APBA2: variants seen among roughly 807,000 people sequenced by gnomAD.
The protein encoded by APBA2 is amyloid-beta A4 precursor protein-binding family A member 2.
APBA2 carries 30 observed loss-of-function variants against 75.0 expected under a neutral mutation model. The observed-to-expected ratio is 0.40, with a 90% confidence interval of 0.30 to 0.54. APBA2 has a LOEUF of 0.54. Among genes scored for constraint, APBA2 ranks in the 20% least tolerant of loss-of-function variants. The pLI is 0.49. For missense variants in APBA2, 801 were observed against 1,016.1 expected (o/e 0.79, Z 2.88); for synonymous variants, 444 against 409.6 (o/e 1.08, Z -1.01).
intron 4 of APBA2, among the ~76,000 whole-genome samples, chr15:29,061,181 T>C (rs1264285470): frequency 6.6e-6 from 1 of 152,176 alleles, no homozygotes; most frequent in East Asian, 1.9e-4. Flanking sequence ...CTGTGGAACA[T>C]AAAGGGTTTG....
chr15:29,095,555 G>A (rs991884421), intron 8 of APBA2, among the ~76,000 whole-genome samples: 1 of 152,248 alleles, frequency 6.6e-6, no homozygotes, highest in African/African-American at 2.4e-5. Context: ...CACAAGGCCT[G>A]GGGCAAACCC....
intron 3 of APBA2, among the ~76,000 whole-genome samples, chr15:29,008,105 T>C (rs912946710): frequency 8.5e-5 from 13 of 152,142 alleles, no homozygotes; most frequent in Admixed American, 5.9e-4. Context: ...AACCTTGAGG[T>C]CATTATGCTA....
At chr15:29,064,729 CAG>C (rs1427067554) in intron 4 of APBA2, among the ~76,000 whole-genome samples, 1 of 151,978 alleles carries the variant, frequency 6.6e-6, no homozygotes, top group Non-Finnish European at 1.5e-5. Flanking sequence ...GAGAGAGAGA[CAG>C]AGGGTTCCAC....
intron 9 of APBA2, among the ~76,000 whole-genome samples, chr15:29,101,178 A>G (rs1453988883): frequency 6.6e-6 from 1 of 151,342 alleles, no homozygotes; most frequent in African/African-American, 2.4e-5. Flanking sequence ...CCCAAATGTC[A>G]GGAGAATCAG....
chr15:28,931,301 G>A (rs1416384249), intron 2 of APBA2, among the ~76,000 whole-genome samples: 2 of 152,198 alleles, frequency 1.3e-5, no homozygotes, highest in African/African-American at 4.8e-5. Flanking sequence ...TCTGGTGAGA[G>A]ACTACTCCAG....
At chr15:29,043,667 A>C (rs2041163695) in intron 3 of APBA2, among the ~76,000 whole-genome samples, 1 of 152,186 alleles carries the variant, frequency 6.6e-6, no homozygotes, top group Non-Finnish European at 1.5e-5. Context: ...GATGCCACAA[A>C]ATTGTCTTGT....
At chr15:29,029,094 C>T (rs966703971) in intron 3 of APBA2, among the ~76,000 whole-genome samples, 4 of 152,034 alleles carry the variant, frequency 2.6e-5, no homozygotes, top group Non-Finnish European at 5.9e-5. Context: ...TGCCTATGTC[C>T]TGAATGGTAT....
At chr15:28,906,386 TTTAC>T (rs1169473897) in intron 1 of APBA2, among the ~76,000 whole-genome samples, 1 of 152,186 alleles carries the variant, frequency 6.6e-6, no homozygotes, top group African/African-American at 2.4e-5. Flanking sequence ...TATGTGACCG[TTTAC>T]TTATTGAACT....
chr15:28,887,607 G>C (rs542923133), intron 1 of APBA2, among the ~76,000 whole-genome samples: 1 of 152,176 alleles, frequency 6.6e-6, no homozygotes, highest in Admixed American at 6.5e-5. Flanking sequence ...CTGGGTGACC[G>C]TGGGGGCTGC....
chr15:29,055,479 C>T (rs967525221), intron 4 of APBA2, among the ~76,000 whole-genome samples: 2 of 152,100 alleles, frequency 1.3e-5, no homozygotes, highest in African/African-American at 4.8e-5. Flanking sequence ...GCAAAGTCAG[C>T]GTGCATTCTA....
intron 4 of APBA2, among the ~76,000 whole-genome samples, chr15:29,074,501 G>T (rs2042761664): frequency 6.6e-6 from 1 of 152,162 alleles, no homozygotes; most frequent in Non-Finnish European, 1.5e-5. Context: ...TCAGGTTGGG[G>T]TTGGGGTTGG....
chr15:28,957,984 G>C (rs1258055254), intron 2 of APBA2, among the ~76,000 whole-genome samples: 1 of 152,234 alleles, frequency 6.6e-6, no homozygotes, highest in Non-Finnish European at 1.5e-5. Flanking sequence ...GAGGAGCCGA[G>C]ACAGGCGGGG....
At chr15:29,099,381 C>T (rs1567009645) in intron 9 of APBA2, among the ~76,000 whole-genome samples, 4 of 152,298 alleles carry the variant, frequency 2.6e-5, no homozygotes, top group Admixed American at 1.3e-4. Flanking sequence ...CTTCCAGAGC[C>T]CTCCCCGCAG....
intron 1 of APBA2, among the ~76,000 whole-genome samples, chr15:28,889,589 C>G (rs538452588): frequency 1.3e-5 from 2 of 152,330 alleles, no homozygotes; most frequent in African/African-American, 4.8e-5. Context: ...CCAGATCTGC[C>G]CTGGGTTGTC....
chr15:29,028,042 G>A (rs2040311494), intron 3 of APBA2, among the ~76,000 whole-genome samples: 1 of 151,614 alleles, frequency 6.6e-6, no homozygotes, highest in East Asian at 1.9e-4. Context: ...TGTGCAGCAG[G>A]TTTGTTAGGC....
At chr15:29,027,008 TG>T (rs760560836) in intron 3 of APBA2, among the ~76,000 whole-genome samples, 1 of 152,260 alleles carries the variant, frequency 6.6e-6, no homozygotes, top group Non-Finnish European at 1.5e-5. Flanking sequence ...CCAATTTTAA[TG>T]GTATGATACA....
Position 29,106,726 on chromosome 15 carries a change from C to T in APBA2, c.1824C>T (p.Arg608=). ...TGATGAATGGCGGCCCGGCTGCCCG[C>T]TCGGGGAAGCTGAGCATCGGGGACC... The part of the protein sequence containing the change: ...ANMMNGGPAA[R]SGKLSIGDQI... Residue 608 remains arginine, a synonymous_variant, in exon 12 of 15, where the codon CGC becomes CGT. Transcript: ENST00000683413. 6.2e-7 allele frequency: 1 copy of T among 1,612,998 alleles called. No individual in the cohort carries two copies. The highest frequency in any genetic ancestry group is 2.2e-5 in the East Asian group (1 of 44,852).
In APBA2 at chr15:29,009,339, T is replaced by C. The variant is rs1375972612; in HGVS notation, c.-41+13533T>C. Among the ~76,000 whole-genome samples, 3 of 152,220 alleles carry C rather than the reference T, an allele frequency of 2.0e-5. No homozygotes were observed. The East Asian group carries it at 5.8e-4, about 29-fold the overall frequency. ...TAAAGTGGGAGGAAGCTTTGGACAG[T>C]CACCTTTTTGAAGTCTGTTTTGAAT... On this transcript the variant is annotated intron_variant, in intron 3 of 14. Coordinates refer to ENST00000683413, the MANE Select transcript of APBA2 (RefSeq NM_001353788.2).
chr15:29,002,545 C>T (rs2038903229), intron 3 of APBA2, among the ~76,000 whole-genome samples: 1 of 151,640 alleles, frequency 6.6e-6, no homozygotes, highest in South Asian at 2.1e-4. Context: ...CGTCATTTGC[C>T]ATGTGCTGGT....
Sources: gnomAD v4.1 joint callset for allele counts (sites outside exome capture counted in the v4.1 genomes callset) on GRCh38, gnomAD v4.1.1 for gene constraint, MANE v1.5 for transcripts, NCBI Gene and HGNC (gene_info 2026-07-23, HGNC 2026-07-21) for gene names.